The following NRG1 variants were observed in gnomAD, a reference collection of about 807,000 sequenced individuals.
NRG1 encodes pro-neuregulin-1, membrane-bound isoform.
Under a neutral mutation model 63.8 loss-of-function variants are expected in NRG1, and 18 were observed. The observed-to-expected ratio is 0.28, with a 90% CI of 0.19 to 0.42. The LOEUF is 0.42. Among genes scored for constraint, NRG1 ranks in the 10% least tolerant of loss-of-function variants. NRG1 has a pLI of 1.00. For missense variants in NRG1, 762 were observed against 814.7 expected (o/e 0.94, Z 0.79); for synonymous variants, 302 against 301.3 (o/e 1.00, Z -0.02).
At chr8:32,457,650 C>T (rs1047130810) in intron 1 of NRG1, among the ~76,000 whole-genome samples, 6 of 152,176 alleles carry the variant, frequency 3.9e-5, no homozygotes, top group African/African-American at 1.2e-4. Context: ...ATGTCATTTA[C>T]ATGACAATTG....
intron 1 of NRG1, among the ~76,000 whole-genome samples, chr8:31,978,891 A>G (rs1212486046): frequency 2.0e-5 from 3 of 152,090 alleles, no homozygotes; most frequent in African/African-American, 7.2e-5. Context: ...GCCAACCCCT[A>G]GTTTTTCACA....
chr8:32,763,228 A>G (rs1249898166), intron 11 of NRG1: 2 of 1,613,988 alleles, frequency 1.2e-6, no homozygotes, highest in East Asian at 2.2e-5. Flanking sequence ...ACATAACCTT[A>G]TAGCTGAGCT....
chr8:31,700,223 G>A (rs1376046507), intron 1 of NRG1, among the ~76,000 whole-genome samples: 2 of 152,152 alleles, frequency 1.3e-5, no homozygotes, highest in Non-Finnish European at 2.9e-5. Flanking sequence ...TTTGGAGGCA[G>A]CTTTTACTCT....
chr8:32,588,867 T>C (rs1034224398), intron 1 of NRG1, among the ~76,000 whole-genome samples: 1 of 152,208 alleles, frequency 6.6e-6, no homozygotes, highest in Non-Finnish European at 1.5e-5. Context: ...CCTTCCTCAG[T>C]AGTCAGGGAC....
chr8:32,620,538 A>C (rs963739101), intron 5 of NRG1, among the ~76,000 whole-genome samples: 1 of 151,618 alleles, frequency 6.6e-6, no homozygotes, highest in Non-Finnish European at 1.5e-5. Flanking sequence ...AAAAAAAAAA[A>C]AAGAGCAGGC....
chr8:32,300,376 A>G (rs1361707324), intron 1 of NRG1, among the ~76,000 whole-genome samples: 1 of 152,218 alleles, frequency 6.6e-6, no homozygotes, highest in African/African-American at 2.4e-5. Flanking sequence ...AGACATAGAT[A>G]GGATTAATTT....
intron 1 of NRG1, among the ~76,000 whole-genome samples, chr8:31,693,039 C>T (rs2131140750): frequency 1.3e-5 from 2 of 152,262 alleles, no homozygotes; most frequent in Admixed American, 1.3e-4. Context: ...ATTTTGGGTG[C>T]TGACCTTCAG....
intron 5 of NRG1, among the ~76,000 whole-genome samples, chr8:32,672,235 G>A (rs1805874565): frequency 6.6e-6 from 1 of 152,048 alleles, no homozygotes; most frequent in South Asian, 2.1e-4. Context: ...TAATAGAGAT[G>A]GGGTTTCACC....
chr8:32,734,564 T>C (rs1332105535), intron 6 of NRG1, among the ~76,000 whole-genome samples: 1 of 152,208 alleles, frequency 6.6e-6, no homozygotes, highest in African/African-American at 2.4e-5. Flanking sequence ...TTAACAGATA[T>C]AGACAGCATT....
At chr8:32,524,504 T>C (rs1830626510) in intron 1 of NRG1, among the ~76,000 whole-genome samples, 2 of 151,822 alleles carry the variant, frequency 1.3e-5, no homozygotes, top group Admixed American at 1.3e-4. Context: ...AGATTTTTTT[T>C]TTCTATTGCC....
intron 1 of NRG1, among the ~76,000 whole-genome samples, chr8:31,940,250 C>A (rs545573289): frequency 6.6e-6 from 1 of 152,034 alleles, no homozygotes; most frequent in African/African-American, 2.4e-5. Context: ...CTAAAGGCAT[C>A]CCCAAACCAT....
intron 5 of NRG1, among the ~76,000 whole-genome samples, chr8:32,725,842 GT>G (rs1822035530): frequency 6.6e-6 from 1 of 151,926 alleles, no homozygotes; most frequent in African/African-American, 2.4e-5. Flanking sequence ...TAAATAAGTA[GT>G]TTTTTACATG....
chr8:32,627,026 A>T lies in NRG1; in HGVS notation c.502+10141A>T, dbSNP rs969304069. On this transcript the variant is annotated intron_variant, in intron 5 of 11. Transcript: ENST00000356819. ...CAGAGCAACACTCTATCTCAAAAAA[A>T]TAAAAATAAAAAAGGAAAAGAAAAT... 6.9e-5 allele frequency among the ~76,000 whole-genome samples: 10 copies of T among 143,894 alleles called. 1 individual carries two copies. The highest frequency in any genetic ancestry group is 2.7e-4 in the African/African-American group (9 of 33,826). 94.4% of individuals were successfully genotyped at this position (143,894 alleles called of 152,430 possible). A position where few individuals can be genotyped will look rare whatever the true frequency, so the allele number is the denominator to read the frequency against.
In NRG1 at chr8:32,493,893, A is replaced by G. The variant is rs562246373; in HGVS notation, c.38-101935A>G. Among the ~76,000 whole-genome samples the G allele has an allele frequency of 5.4e-4, 82 of 152,304 alleles. 1 individual carries two copies. In the South Asian group the frequency reaches 0.017, roughly 31 times the overall value. On this transcript the variant is annotated intron_variant, in intron 1 of 10. Transcript: ENST00000519301. Reference sequence around the variant, plus strand: ...AGGTTCCTTCTAACCCTGAAATTCTATGGTTATAAAATCTATCCTTTTCTT... The same window carrying G: ...AGGTTCCTTCTAACCCTGAAATTCTGTGGTTATAAAATCTATCCTTTTCTT...
chr8:31,985,788 A>C (rs568706554), intron 1 of NRG1, among the ~76,000 whole-genome samples: 1 of 152,262 alleles, frequency 6.6e-6, no homozygotes, highest in South Asian at 2.1e-4. Context: ...ATTTCCAAAT[A>C]TATTAAAATA....
At chr8:32,076,709 C>A (rs1826618001) in intron 1 of NRG1, among the ~76,000 whole-genome samples, 1 of 99,622 alleles carries the variant, frequency 1.0e-5, no homozygotes, top group African/African-American at 3.8e-5. Context: ...CATTGTACAC[C>A]TGAACTTAAG....
At chr8:32,523,846 ATAACTAAC>A (rs374353064) in intron 1 of NRG1, among the ~76,000 whole-genome samples, 1 of 152,024 alleles carries the variant, frequency 6.6e-6, no homozygotes, top group Non-Finnish European at 1.5e-5. Context: ...CTGTCTCTGA[ATAACTAAC>A]TAACTAACTA....
intron 1 of NRG1, among the ~76,000 whole-genome samples, chr8:32,041,129 G>A (rs934468781): frequency 3.9e-5 from 6 of 151,990 alleles, no homozygotes. Flanking sequence ...TATCTAATTT[G>A]TAATTATTTT....
intron 1 of NRG1, among the ~76,000 whole-genome samples, chr8:31,693,093 C>T (rs1585709890): frequency 6.6e-6 from 1 of 152,244 alleles, no homozygotes; most frequent in East Asian, 1.9e-4. Context: ...TAGTGACCAC[C>T]CTTGCTGCCG....
Sources: gnomAD v4.1 joint callset for allele counts (sites outside exome capture counted in the v4.1 genomes callset) on GRCh38, gnomAD v4.1.1 for gene constraint, MANE v1.5 for transcripts, NCBI Gene and HGNC (gene_info 2026-07-23, HGNC 2026-07-21) for gene names.